Variants in ANKRD11 observed in about 807,000 individuals in gnomAD.
ANKRD11 encodes ankyrin repeat domain-containing protein 11.
A neutral mutation model predicts 195.7 loss-of-function variants in ANKRD11; 17 were observed. The observed-to-expected ratio is 0.09, with a 90% CI of 0.06 to 0.13. ANKRD11 has a LOEUF of 0.13. Among genes scored for constraint, ANKRD11 ranks in the 10% least tolerant of loss-of-function variants. ANKRD11 has a pLI of 1.00. For missense variants in ANKRD11, 3,735 were observed against 3,566.1 expected (o/e 1.05, Z -1.21); for synonymous variants, 1,953 against 1,528.1 (o/e 1.28, Z -6.49).
rs368315956 is a variant in ANKRD11, at chr16:89,280,383, C to T, written c.6159G>A (p.Ala2053=). Reference sequence around the variant, plus strand: ...GCCCGGAGGGAGGGGCGTAGGGAGCCGCCTCTGAGGTGGAGATGGCGGCGG... The same window carrying T: ...GCCCGGAGGGAGGGGCGTAGGGAGCTGCCTCTGAGGTGGAGATGGCGGCGG... The part of the protein sequence containing the change: ...AVPAAISTSE[A]APYAPPSGLE... The change falls in exon 9 of 13, where the codon GCG becomes GCA. Residue 2053 remains alanine, a synonymous_variant. Coordinates refer to ENST00000301030, the MANE Select transcript of ANKRD11 (RefSeq NM_013275.6). 96 of 1,561,980 alleles carry T rather than the reference C, an allele frequency of 6.1e-5. No individual in the cohort carries two copies. The highest frequency in any genetic ancestry group is 7.5e-5 in the Non-Finnish European group (87 of 1,154,954).
intron 12 of ANKRD11, among the ~76,000 whole-genome samples, chr16:89,269,432 G>C (rs2032939845): frequency 6.6e-6 from 1 of 152,110 alleles, no homozygotes. Context: ...GCTCAGGATG[G>C]ATTCACAATC....
chr16:89,274,527 C>A (rs2033471315), intron 11 of ANKRD11, among the ~76,000 whole-genome samples: 1 of 152,214 alleles, frequency 6.6e-6, no homozygotes, highest in Admixed American at 6.5e-5. Context: ...GGGGCAGGTG[C>A]TCCAACTGCA....
Position 89,282,102 on chromosome 16 carries a change from A to G in ANKRD11, c.4440T>C (p.His1480=), listed in dbSNP as rs139429949. The G allele has an allele frequency of 1.6e-4, 254 of 1,613,626 alleles. 1 individual carries two copies. In the African/African-American group the frequency reaches 2.8e-3, roughly 18 times the overall value. The change falls in exon 9 of 13, where the codon CAT becomes CAC. Residue 1480 remains histidine (H), a synonymous_variant. Transcript: ENST00000301030. ...RDEKERHRDR[H]ADGLLRHHRD... is the part of the protein sequence containing the mutation. ...TGTGATGCCGCAGCAGCCCATCCGC[A>G]TGCCTGTCCCGGTGCCTCTCCTTCT...
chr16:89,286,578 C>A lies in ANKRD11; in HGVS notation c.745-392G>T, dbSNP rs573174163. Reference sequence around the variant, plus strand: ...CTCAGCAGAGTGGTGCCGGAGTGGTCGTGGAGGGCTCAGGCAAGAGGTTAG... The same window carrying A: ...CTCAGCAGAGTGGTGCCGGAGTGGTAGTGGAGGGCTCAGGCAAGAGGTTAG... On this transcript the variant is annotated intron_variant, in intron 7 of 12. Coordinates refer to ENST00000301030, the MANE Select transcript of ANKRD11 (RefSeq NM_013275.6). 99 of 981,686 alleles carry A rather than the reference C, an allele frequency of 1.0e-4. No homozygotes were observed. The South Asian group carries it at 1.6e-3, about 16-fold the overall frequency. 60.8% of individuals were successfully genotyped at this position (981,686 alleles called of 1,614,324 possible).
At chr16:89,307,552 G>A (rs1484802633) in intron 3 of ANKRD11, among the ~76,000 whole-genome samples, 1 of 152,224 alleles carries the variant, frequency 6.6e-6, no homozygotes, top group Non-Finnish European at 1.5e-5. Flanking sequence ...CGGGGCCTCA[G>A]GAACGTAACA....
rs559290421 is a variant in ANKRD11 at position 89,425,693 on chromosome 16, C to T, written c.-144-7325G>A. ...GCAGAGAAGGTGCAGTTATTTGTTTCCTGTTTCTGGTGTTTCTTTTTTAAG... is the reference window on the plus strand; with the variant it reads ...GCAGAGAAGGTGCAGTTATTTGTTTTCTGTTTCTGGTGTTTCTTTTTTAAG... On this transcript the variant is annotated intron_variant, in intron 1 of 12. Coordinates refer to ENST00000301030, the MANE Select transcript of ANKRD11 (RefSeq NM_013275.6). Among the ~76,000 whole-genome samples the T allele has an allele frequency of 2.4e-3, 365 of 150,264 alleles. 1 individual carries two copies. The highest frequency in any genetic ancestry group is 6.8e-3 in the Middle Eastern group (2 of 294).
intron 1 of ANKRD11, among the ~76,000 whole-genome samples, chr16:89,462,911 C>T (rs2056740140): frequency 2.0e-5 from 3 of 151,470 alleles, no homozygotes; most frequent in Admixed American, 2.0e-4. Context: ...GGGGTCAGCC[C>T]CCCGCCCAGC....
intron 1 of ANKRD11, among the ~76,000 whole-genome samples, chr16:89,441,570 A>T (rs147394430): frequency 6.6e-6 from 1 of 151,998 alleles, no homozygotes; most frequent in African/African-American, 2.4e-5. Context: ...GATGGAGACC[A>T]TCCTGGCTAA....
intron 2 of ANKRD11, among the ~76,000 whole-genome samples, chr16:89,396,570 A>G (rs1036152401): frequency 5.3e-5 from 8 of 152,104 alleles, no homozygotes; most frequent in African/African-American, 1.9e-4. Context: ...CTAGAACAAC[A>G]TATTTACCAC....
chr16:89,459,718 G>A (rs1169746539), intron 1 of ANKRD11, among the ~76,000 whole-genome samples: 4 of 151,872 alleles, frequency 2.6e-5, no homozygotes, highest in African/African-American at 7.3e-5. Flanking sequence ...CAGCACACTG[G>A]GAAGCCTAGG....
At chr16:89,356,943 C>A (rs1409643620) in intron 2 of ANKRD11, among the ~76,000 whole-genome samples, 1 of 152,232 alleles carries the variant, frequency 6.6e-6, no homozygotes. Context: ...CTGGGAAGGG[C>A]CAGCTCCCAA....
At chr16:89,404,777 C>G (rs117710755) in intron 2 of ANKRD11, among the ~76,000 whole-genome samples, 1 of 152,248 alleles carries the variant, frequency 6.6e-6, no homozygotes, top group East Asian at 1.9e-4. Context: ...ACGCCTACCT[C>G]GCAAGGTCAT....
Position 89,282,545 on chromosome 16 carries a change from T to G in ANKRD11, c.3997A>C (p.Lys1333Gln). The change falls in exon 9 of 13, where the codon AAG (lysine) becomes CAG (glutamine). Residue 1333 changes from lysine to glutamine, a missense_variant. Transcript: ENST00000301030. ...VSFTEPPGDDKPRESACLPEK... is the reference protein window; with the variant it reads ...VSFTEPPGDDQPRESACLPEK... ...GGGAGGCAGGCGCTCTCCCTCGGCT[T>G]GTCGTCTCCAGGTGGCTCCGTGAAA... 6.2e-7 allele frequency: 1 copy of G among 1,614,068 alleles called. No homozygotes were observed. Among genetic ancestry groups the G allele is most frequent in the Non-Finnish European group, 8.5e-7 (1 of 1,179,970 alleles).
At chr16:89,273,927 C>A (rs2033409129) in intron 11 of ANKRD11, among the ~76,000 whole-genome samples, 1 of 152,106 alleles carries the variant, frequency 6.6e-6, no homozygotes, top group Non-Finnish European at 1.5e-5. Flanking sequence ...GAGATCTGGA[C>A]ACCAAGGCAG....
intron 2 of ANKRD11, among the ~76,000 whole-genome samples, chr16:89,417,907 C>T (rs1317175227): frequency 6.6e-6 from 1 of 152,148 alleles, no homozygotes; most frequent in Non-Finnish European, 1.5e-5. Flanking sequence ...AAACTGTTAA[C>T]ACAACATGCT....
At chr16:89,333,823 G>C (rs929518997) in intron 2 of ANKRD11, among the ~76,000 whole-genome samples, 5 of 152,070 alleles carry the variant, frequency 3.3e-5, no homozygotes, top group African/African-American at 1.2e-4. Flanking sequence ...AAACATTAGG[G>C]GGCACTGCAC....
At chr16:89,469,937 A>G (rs1043771092) in intron 1 of ANKRD11, among the ~76,000 whole-genome samples, 4 of 148,684 alleles carry the variant, frequency 2.7e-5, no homozygotes, top group African/African-American at 9.9e-5. Context: ...GACGGAGCTC[A>G]CTCTGTCGCT....
intron 4 of ANKRD11, chr16:89,299,279 C>A (rs921693182): frequency 2.5e-5 from 5 of 199,970 alleles, no homozygotes; most frequent in Admixed American, 5.8e-5. Flanking sequence ...AGGGGCCTGG[C>A]CTTGGGCTGG....
rs2039863058 is a variant in ANKRD11, at chr16:89,364,438, A to G, written c.-59-47360T>C. On this transcript the variant is annotated intron_variant, in intron 2 of 12. Transcript: ENST00000301030. ...ACTCACGGTAAGAACAAGCTGAAAT[A>G]TGGAAAGTTGTTTGAGATGCTACTT... is the stretch of plus-strand genomic sequence containing the variant. Among the ~76,000 whole-genome samples, 5 of 152,356 alleles carry G rather than the reference A, an allele frequency of 3.3e-5. No individual in the cohort carries two copies. The South Asian group carries it at 1.0e-3, about 32-fold the overall frequency.
Sources: allele counts gnomAD v4.1 joint callset (sites outside exome capture counted in the v4.1 genomes callset), GRCh38; gene constraint gnomAD v4.1.1; transcripts MANE v1.5; gene names NCBI Gene and HGNC (gene_info 2026-07-23, HGNC 2026-07-21).